The following ROBO2 variants were observed in gnomAD, a reference collection of about 807,000 sequenced individuals.
The protein encoded by ROBO2 is roundabout homolog 2.
Under a neutral mutation model 160.8 loss-of-function variants are expected in ROBO2, and 53 were observed. That is an observed-to-expected ratio of 0.33 (90% CI 0.26 to 0.41). The LOEUF (loss-of-function observed/expected upper bound fraction) is 0.41, where lower values mean the gene tolerates loss of function less well. ROBO2 is among the 10% of genes least tolerant of loss of function. ROBO2 has a pLI of 1.00. For synonymous variants in ROBO2, 664 were observed against 611.7 expected, an observed-to-expected ratio of 1.09 and a Z score of -1.26; for missense variants, 1,577 against 1,722.4, an observed-to-expected ratio of 0.92 and a Z score of 1.49.
chr3:76,448,412 G>A (rs540742061), intron 2 of ROBO2, among the ~76,000 whole-genome samples: 2 of 152,248 alleles, frequency 1.3e-5, no homozygotes, highest in South Asian at 2.1e-4. Flanking sequence ...GAAAAGGTAT[G>A]TCTGAGATAA....
intron 2 of ROBO2, among the ~76,000 whole-genome samples, chr3:76,632,991 G>A (rs2090116427): frequency 6.6e-6 from 1 of 152,132 alleles, no homozygotes; most frequent in African/African-American, 2.4e-5. Context: ...TTATAGCATT[G>A]CGCCTTTCAG....
At chr3:77,425,883 G>A (rs935858281) in intron 2 of ROBO2, among the ~76,000 whole-genome samples, 2 of 151,876 alleles carry the variant, frequency 1.3e-5, no homozygotes, top group Non-Finnish European at 2.9e-5. Flanking sequence ...GGCTGATCTC[G>A]AACTCCTGAT....
chr3:77,577,155 C>T (rs904196203), intron 14 of ROBO2, among the ~76,000 whole-genome samples: 1 of 152,050 alleles, frequency 6.6e-6, no homozygotes, highest in African/African-American at 2.4e-5. Flanking sequence ...ATCTGTAAAA[C>T]CGAGATAAGA....
chr3:76,410,520 A>G (rs2075432125), intron 2 of ROBO2, among the ~76,000 whole-genome samples: 2 of 152,154 alleles, frequency 1.3e-5, no homozygotes, highest in South Asian at 4.1e-4. Context: ...TCTAATCTGC[A>G]TTTTAAGTTC....
intron 2 of ROBO2, among the ~76,000 whole-genome samples, chr3:76,344,146 T>C (rs1379693727): frequency 1.3e-5 from 2 of 152,124 alleles, no homozygotes; most frequent in Non-Finnish European, 2.9e-5. Flanking sequence ...AATAATCATG[T>C]TGGAAGATAA....
chr3:77,313,734 G>A (rs370047665), intron 2 of ROBO2, among the ~76,000 whole-genome samples: 3 of 151,896 alleles, frequency 2.0e-5, no homozygotes, highest in Admixed American at 1.3e-4. Context: ...ACAGGCATGC[G>A]CCACCACGCC....
chr3:77,510,795 T>C (rs1348439679), intron 5 of ROBO2, among the ~76,000 whole-genome samples: 1 of 152,078 alleles, frequency 6.6e-6, no homozygotes, highest in East Asian at 1.9e-4. Flanking sequence ...AATAAATATC[T>C]CATTCAAGTA....
chr3:77,199,826 C>G (rs1186806638), intron 2 of ROBO2, among the ~76,000 whole-genome samples: 4 of 151,206 alleles, frequency 2.6e-5, no homozygotes, highest in South Asian at 2.1e-4. Context: ...GATGACCCCA[C>G]TATGTTGCCA....
chr3:77,612,387 A>G (rs1015561283), intron 21 of ROBO2, among the ~76,000 whole-genome samples: 6 of 152,162 alleles, frequency 3.9e-5, no homozygotes, highest in African/African-American at 7.2e-5. Context: ...GTTGCTTGCA[A>G]TGGATTAAGA....
intron 2 of ROBO2, among the ~76,000 whole-genome samples, chr3:77,177,696 T>C (rs1381565555): frequency 3.3e-5 from 5 of 151,948 alleles, no homozygotes; most frequent in Non-Finnish European, 7.4e-5. Flanking sequence ...GTTTACAGTC[T>C]AGTTTTCTAT....
intron 2 of ROBO2, among the ~76,000 whole-genome samples, chr3:77,296,900 A>C (rs2062191331): frequency 6.6e-6 from 1 of 152,144 alleles, no homozygotes; most frequent in African/African-American, 2.4e-5. Flanking sequence ...CTTTCAGTGG[A>C]CATGTCTTTC....
intron 2 of ROBO2, among the ~76,000 whole-genome samples, chr3:76,505,181 A>T (rs75918724): frequency 0.094 from 14,337 of 152,132 alleles, 943 homozygotes; most frequent in East Asian, 0.22. Flanking sequence ...TAACTACCTA[A>T]ACAAAATCAC....
At position 76,488,465 on chromosome 3, in the gene ROBO2, C is replaced by T. The variant is rs139211402; in HGVS notation, c.109+550863C>T. On this transcript the variant is annotated intron_variant, in intron 2 of 26. Coordinates refer to the ROBO2 transcript ENST00000487694. ...CTCTCTGCTGTTAGAGAAGACCTGC[C>T]GTTGCCTGCCGTGTGGTCCTCTCCA... Among the ~76,000 whole-genome samples the T allele has an allele frequency of 1.5e-3, 234 of 152,216 alleles. 1 individual carries two copies. Among genetic ancestry groups the T allele is most frequent in the Non-Finnish European group, 2.6e-3 (176 of 68,022 alleles).
chr3:77,502,749 C>A (rs767736317), intron 5 of ROBO2, among the ~76,000 whole-genome samples: 1 of 152,140 alleles, frequency 6.6e-6, no homozygotes, highest in East Asian at 1.9e-4. Context: ...ATATGATAAT[C>A]TACGATGATT....
At chr3:76,593,112 G>A (rs2086519602) in intron 2 of ROBO2, among the ~76,000 whole-genome samples, 1 of 152,018 alleles carries the variant, frequency 6.6e-6, no homozygotes, top group Non-Finnish European at 1.5e-5. Context: ...AAACTACCAT[G>A]TACCATTCAC....
At chr3:76,488,089 T>G (rs896917117) in intron 2 of ROBO2, among the ~76,000 whole-genome samples, 1 of 152,158 alleles carries the variant, frequency 6.6e-6, no homozygotes, top group Admixed American at 6.5e-5. Context: ...CAGGGTCAAC[T>G]TAGGTCCTTT....
intron 2 of ROBO2, among the ~76,000 whole-genome samples, chr3:77,276,647 G>A (rs927402001): frequency 3.3e-5 from 5 of 152,152 alleles, no homozygotes; most frequent in African/African-American, 9.7e-5. Flanking sequence ...AGCTACTCGG[G>A]AGGCTTAGGC....
chr3:77,119,906 A>G (rs752208902), intron 2 of ROBO2, among the ~76,000 whole-genome samples: 3 of 152,236 alleles, frequency 2.0e-5, no homozygotes, highest in Non-Finnish European at 4.4e-5. Context: ...TCAGAAAGAC[A>G]CTGAGAACCA....
At chr3:77,105,810 A>G (rs2072717337) in intron 2 of ROBO2, among the ~76,000 whole-genome samples, 1 of 152,034 alleles carries the variant, frequency 6.6e-6, no homozygotes, top group South Asian at 2.1e-4. Flanking sequence ...TGTGTCCTCT[A>G]CTTTTCAAAA....
Sources: allele counts gnomAD v4.1 joint callset (sites outside exome capture counted in the v4.1 genomes callset), GRCh38; gene constraint gnomAD v4.1.1; transcripts MANE v1.5; gene names NCBI Gene and HGNC (gene_info 2026-07-23, HGNC 2026-07-21).